Variants in SNX29 observed in about 807,000 individuals in gnomAD.
The protein encoded by SNX29 is sorting nexin 29.
Under a neutral mutation model 102.1 loss-of-function variants are expected in SNX29, and 78 were observed. The ratio of observed to expected loss-of-function variants is 0.76; its 90% confidence interval spans 0.64 to 0.92. SNX29 has a LOEUF of 0.92. Among genes scored for constraint, SNX29 ranks in the 40% least tolerant of loss-of-function variants. SNX29 has a pLI of 0.00. For synonymous variants in SNX29, 580 were observed against 414.5 expected (o/e 1.40, Z -4.85); for missense variants, 1,280 against 1,061.7 (o/e 1.21, Z -2.86).
chr16:12,542,730 T>A (rs118048314), intron 20 of SNX29, among the ~76,000 whole-genome samples: 6,860 of 151,816 alleles, frequency 0.045, 270 homozygotes, highest in East Asian at 0.18. Flanking sequence ...TCTTAAATCT[T>A]GTGCATATAA....
chr16:12,021,145 T>C (rs1472733354), intron 3 of SNX29, among the ~76,000 whole-genome samples: 12 of 152,060 alleles, frequency 7.9e-5, no homozygotes, highest in Admixed American at 5.2e-4. Flanking sequence ...GTAAAAGAAT[T>C]GCCGGTTGTG....
chr16:12,004,551 G>A (rs893837607), intron 3 of SNX29, among the ~76,000 whole-genome samples: 5 of 152,076 alleles, frequency 3.3e-5, no homozygotes, highest in African/African-American at 1.2e-4. Context: ...GTGGCAGGAG[G>A]GACATTCCTG....
chr16:12,392,910 G>A (rs1324680298), intron 16 of SNX29, among the ~76,000 whole-genome samples: 1 of 152,238 alleles, frequency 6.6e-6, no homozygotes, highest in Non-Finnish European at 1.5e-5. Context: ...TTTATGATCA[G>A]ATCATCAGGC....
At chr16:12,512,736 G>A (rs978644527) in intron 19 of SNX29, among the ~76,000 whole-genome samples, 2 of 152,088 alleles carry the variant, frequency 1.3e-5, no homozygotes, top group Admixed American at 6.5e-5. Flanking sequence ...ACAACTAGGT[G>A]CTGTTCACTT....
intron 12 of SNX29, among the ~76,000 whole-genome samples, chr16:12,128,667 G>A (rs1453815375): frequency 6.6e-6 from 1 of 152,028 alleles, no homozygotes; most frequent in Non-Finnish European, 1.5e-5. Context: ...TGGCCAGGCT[G>A]GTCTCAAACT....
intron 13 of SNX29, among the ~76,000 whole-genome samples, chr16:12,182,251 C>A (rs560943285): frequency 6.8e-6 from 1 of 146,874 alleles, no homozygotes; most frequent in African/African-American, 2.5e-5. Context: ...TCTGCTGTCA[C>A]TGTCGTCTTT....
At chr16:11,997,336 C>G (rs1596552253) in intron 1 of SNX29, among the ~76,000 whole-genome samples, 2 of 152,144 alleles carry the variant, frequency 1.3e-5, no homozygotes, top group Non-Finnish European at 2.9e-5. Flanking sequence ...GGGCTCAGCT[C>G]AAATGTCACC....
At chr16:11,991,337 C>T (rs2055839417) in intron 1 of SNX29, among the ~76,000 whole-genome samples, 1 of 152,100 alleles carries the variant, frequency 6.6e-6, no homozygotes, top group African/African-American at 2.4e-5. Context: ...AGGGCCAGAG[C>T]TAGGAACAGC....
intron 18 of SNX29, among the ~76,000 whole-genome samples, chr16:12,434,350 C>CT (rs1218971790): frequency 1.3e-5 from 2 of 152,046 alleles, no homozygotes; most frequent in Non-Finnish European, 1.5e-5. Context: ...TCTGTGAGCT[C>CT]TAAGATCAGA....
chr16:12,141,533 C>A (rs184740223), intron 13 of SNX29, among the ~76,000 whole-genome samples: 375 of 152,352 alleles, frequency 2.5e-3, no homozygotes, highest in Non-Finnish European at 4.1e-3. Context: ...ACTTAGAGTA[C>A]TTATGGTTAT....
At chr16:12,151,692 C>G (rs894058682) in intron 13 of SNX29, among the ~76,000 whole-genome samples, 1 of 152,170 alleles carries the variant, frequency 6.6e-6, no homozygotes, top group African/African-American at 2.4e-5. Flanking sequence ...TACATTTTCT[C>G]ACACAACCTA....
At chr16:12,365,705 G>C (rs1299829063) in intron 16 of SNX29, among the ~76,000 whole-genome samples, 4 of 146,210 alleles carry the variant, frequency 2.7e-5, no homozygotes, top group Admixed American at 6.8e-5. Flanking sequence ...AAAAAAAAAG[G>C]CTCTTTGGAA....
intron 14 of SNX29, among the ~76,000 whole-genome samples, chr16:12,202,100 C>T (rs911866570): frequency 1.3e-5 from 2 of 152,150 alleles, no homozygotes; most frequent in Admixed American, 6.5e-5. Flanking sequence ...TACGGCGACT[C>T]CACCTAGCAG....
chr16:12,320,497 C>A (rs2080897836), intron 15 of SNX29, among the ~76,000 whole-genome samples: 1 of 152,206 alleles, frequency 6.6e-6, no homozygotes, highest in Non-Finnish European at 1.5e-5. Context: ...AGGTCAGAGG[C>A]TGGGAACCGT....
intron 11 of SNX29, among the ~76,000 whole-genome samples, chr16:12,117,130 C>CACG (rs1567221105): frequency 1.3e-4 from 19 of 146,810 alleles, no homozygotes; most frequent in African/African-American, 4.4e-4. Flanking sequence ...TGGAAACAGG[C>CACG]GTGGTCAATA....
chr16:12,304,367 G>C (rs1357432627), intron 15 of SNX29, among the ~76,000 whole-genome samples: 2 of 152,202 alleles, frequency 1.3e-5, no homozygotes, highest in African/African-American at 4.8e-5. Flanking sequence ...CTGCCTCCCA[G>C]GTTCAAGCGA....
intron 20 of SNX29, among the ~76,000 whole-genome samples, chr16:12,564,442 C>T (rs964512836): frequency 2.0e-4 from 30 of 152,182 alleles, no homozygotes; most frequent in African/African-American, 6.5e-4. Context: ...TTTCACAGAT[C>T]AGAAAGCTGT....
intron 19 of SNX29, among the ~76,000 whole-genome samples, chr16:12,482,498 C>T (rs1023892219): frequency 3.3e-5 from 5 of 152,064 alleles, no homozygotes; most frequent in Admixed American, 2.6e-4. Flanking sequence ...GACAGGGTTT[C>T]ACCATGTTCG....
chr16:12,327,414 T>G (rs781355136), intron 15 of SNX29, among the ~76,000 whole-genome samples: 1 of 152,028 alleles, frequency 6.6e-6, no homozygotes, highest in Non-Finnish European at 1.5e-5. Context: ...GCTGGAAGGC[T>G]GAGATCAAGG....
Sources: gnomAD v4.1 joint callset for allele counts (sites outside exome capture counted in the v4.1 genomes callset) on GRCh38, gnomAD v4.1.1 for gene constraint, MANE v1.5 for transcripts, NCBI Gene and HGNC (gene_info 2026-07-23, HGNC 2026-07-21) for gene names.